The following RCC1L variants were observed in gnomAD, a reference collection of about 807,000 sequenced individuals.
RCC1L encodes the protein RCC1-like G exchanging factor-like protein.
RCC1L carries 46 observed loss-of-function variants against 58.6 expected under a neutral mutation model. The observed-to-expected ratio is 0.79, with a 90% CI of 0.62 to 1.00. The LOEUF (loss-of-function observed/expected upper bound fraction) is 1.00. Among genes scored for constraint, RCC1L ranks in the 50% least tolerant of loss-of-function variants. RCC1L has a pLI of 0.00. For missense variants in RCC1L, 636 were observed against 623.6 expected (o/e 1.02, Z -0.21); for synonymous variants, 281 against 262.9 (o/e 1.07, Z -0.67).
At chr7:75,072,201 G>C (rs1806787025) in intron 1 of RCC1L, among the ~76,000 whole-genome samples, 1 of 70,614 alleles carries the variant, frequency 1.4e-5, no homozygotes, top group Non-Finnish European at 3.1e-5. Flanking sequence ...TGGAGAGAGA[G>C]AGAGACAGAG....
At chr7:75,043,182 AC>A (rs1805617742) in intron 10 of RCC1L, 73 bp from the exon 11 acceptor site, 1 of 1,551,654 alleles carries the variant, frequency 6.4e-7, no homozygotes, top group South Asian at 1.1e-5. Context: ...GTGTTGGCCG[AC>A]CCGGCCCTGC....
chr7:75,061,108 AG>A (rs1806264101), intron 6 of RCC1L, 98 bp downstream of exon 6: 1 of 971,506 alleles, frequency 1.0e-6, no homozygotes, highest in Non-Finnish European at 1.7e-6. Flanking sequence ...AGCTGAATTA[AG>A]GAAGAAGGGT....
chr7:75,053,933 C>T (rs1331768167), intron 9 of RCC1L, among the ~76,000 whole-genome samples: 3 of 152,182 alleles, frequency 2.0e-5, no homozygotes, highest in Non-Finnish European at 2.9e-5. Context: ...GACAGGGTCT[C>T]ACTCTGCTGC....
chr7:75,036,389 G>A lies in RCC1L; in HGVS notation c.1318-8310C>T, dbSNP rs892701414. ...TGCCCGCTTAGCCTCCCAAAGTGCT[G>A]AGATTTACAGGCGTGAGCCACCACA... On this transcript the variant is annotated intron_variant, in intron 10 of 10. Transcript: ENST00000614461. 4.0e-5 allele frequency among the ~76,000 whole-genome samples: 6 copies of A among 151,738 alleles called. 1 individual carries two copies. The highest frequency in any genetic ancestry group is 7.4e-5 in the Non-Finnish European group (5 of 67,906).
intron 10 of RCC1L, among the ~76,000 whole-genome samples, chr7:75,033,873 TA>T (rs1283667488): frequency 6.6e-6 from 1 of 150,838 alleles, no homozygotes; most frequent in Non-Finnish European, 1.5e-5. Context: ...AGCAATAAAT[TA>T]AAAAAAATTA....
Position 75,073,653 on chromosome 7 carries a change from C to A in RCC1L, c.85G>T (p.Ala29Ser). The part of the protein sequence containing the change: ...PGLGRGHWTA[A>S]GRSRSRREAA... The stretch of plus-strand genomic sequence containing the variant: ...TCGCGCCGGCTCCGGGAGCGCCCGG[C>A]CGCCGTCCAGTGCCCTCGCCCCAGC... Residue 29 changes from alanine to serine, a missense_variant, in exon 1 of 11, where the codon GCC becomes TCC. Transcript: ENST00000610322. 6.8e-7 allele frequency: 1 copy of A among 1,473,448 alleles called. No individual in the cohort carries two copies. Among genetic ancestry groups the A allele is most frequent in the South Asian group, 1.3e-5 (1 of 76,510 alleles). 91.3% of individuals were successfully genotyped at this position (1,473,448 alleles called of 1,614,324 possible). A position where few individuals can be genotyped will look rare whatever the true frequency, so the allele number is the denominator to read the frequency against.
At chr7:75,064,464 T>C in intron 4 of RCC1L, 118 bp downstream of exon 4, 1 of 1,104,484 alleles carries the variant, frequency 9.1e-7, no homozygotes, top group Non-Finnish European at 1.4e-6. Context: ...TGCTGAGTTC[T>C]CACGGCCCCC....
intron 1 of RCC1L, 63 bp downstream of exon 1, chr7:75,073,351 G>A: frequency 1.3e-6 from 1 of 761,692 alleles, no homozygotes; most frequent in South Asian, 2.7e-5. Flanking sequence ...AGCCGAACAG[G>A]TCGAGGGAGG....
intron 6 of RCC1L, among the ~76,000 whole-genome samples, chr7:75,060,081 C>A (rs1806224244): frequency 6.6e-6 from 1 of 152,136 alleles, no homozygotes; most frequent in Non-Finnish European, 1.5e-5. Flanking sequence ...TTACTGTCTC[C>A]ATAGTTTGTC....
intron 7 of RCC1L, 65 bp from the exon 8 acceptor site, chr7:75,057,681 G>A (rs1806125532): frequency 6.7e-7 from 1 of 1,488,670 alleles, no homozygotes; most frequent in East Asian, 2.3e-5. Flanking sequence ...AAGTGTTCTG[G>A]TCTTAGGTAC....
chr7:75,060,490 G>A (rs1258301280), intron 6 of RCC1L, among the ~76,000 whole-genome samples: 3 of 152,214 alleles, frequency 2.0e-5, no homozygotes, highest in Non-Finnish European at 4.4e-5. Flanking sequence ...GAGTGCAATG[G>A]CGCGATCTTG....
chr7:75,039,209 C>T (rs1028611268), downstream of RCC1L, among the ~76,000 whole-genome samples: 7 of 152,180 alleles, frequency 4.6e-5, no homozygotes, highest in Admixed American at 2.6e-4. Context: ...ATGCTAGTAC[C>T]GGGTGGAAGG....
At chr7:75,027,817 T>C (rs1805180849) in exon 11 of RCC1L, 4 of 619,484 alleles carry the variant, frequency 6.5e-6, no homozygotes, top group Middle Eastern at 4.3e-4. Flanking sequence ...GTAGTCTTGG[T>C]TTGGTCTCCA....
Position 75,073,534 on chromosome 7 carries a change from G to C in RCC1L, c.204C>G (p.Phe68Leu). 6.7e-7 allele frequency: 1 copy of C among 1,484,066 alleles called. No homozygotes were observed. Among genetic ancestry groups the C allele is most frequent in the Admixed American group, 2.7e-5 (1 of 37,392 alleles). 91.9% of individuals were successfully genotyped at this position (1,484,066 alleles called of 1,614,324 possible). The change falls in exon 1 of 11, where the codon TTC (phenylalanine) becomes TTG (leucine). Residue 68 changes from phenylalanine (F) to leucine (L), a missense_variant. By Grantham distance (22) the Phe-to-Leu change is conservative (BLOSUM62 0). Coordinates refer to ENST00000610322, the MANE Select transcript of RCC1L (RefSeq NM_030798.5). ...ADRVFVWGFS[F>L]SGALGVPSFV... ...AGGAAGGCACGCCCAGCGCCCCCGA[G>C]AAGCTGAAGCCCCACACGAAGACGC...
At chr7:75,070,934 C>T (rs587740767) in intron 1 of RCC1L, among the ~76,000 whole-genome samples, 165 bp from the exon 2 acceptor site, 1 of 152,148 alleles carries the variant, frequency 6.6e-6, no homozygotes, top group South Asian at 2.1e-4. Flanking sequence ...AGTGCAGTGG[C>T]GCAATCTCGG....
In RCC1L at chr7:75,073,564, G is replaced by A. The variant is rs782088960; in HGVS notation, c.174C>T (p.Ala58=). ...VQYVGERAAR[A]DRVFVWGFSF... ...TGAAGCCCCACACGAAGACGCGATC[G>A]GCGCGGGCAGCGCGCTCGCCCACGT... Residue 58 remains alanine (A), a synonymous_variant, in exon 1 of 11, where the codon GCC becomes GCT. Coordinates refer to ENST00000610322, the MANE Select transcript of RCC1L (RefSeq NM_030798.5). 1.3e-6 allele frequency: 2 copies of A among 1,507,398 alleles called. No individual in the cohort carries two copies. The highest frequency in any genetic ancestry group is 2.9e-5 in the African/African-American group (2 of 68,756). The allele number at this position is 1,507,398 out of a possible 1,614,324, so 93.4% of individuals were successfully genotyped here.
At position 75,043,011 on chromosome 7, in the gene RCC1L, GC is replaced by G; in HGVS notation, c.*20del. The G allele has an allele frequency of 1.2e-6, 2 of 1,614,024 alleles. No individual in the cohort carries two copies. Among genetic ancestry groups the G allele is most frequent in the Non-Finnish European group, 1.7e-6 (2 of 1,179,862 alleles). ...TGCCAGTGGTTCCCGGGACGGGGCC[GC>G]CCAAGCAGGTGAGGGAGGTTTAGAT... On this transcript the variant is annotated 3_prime_UTR_variant, in exon 11 of 11. Coordinates refer to ENST00000610322, the MANE Select transcript of RCC1L (RefSeq NM_030798.5).
intron 10 of RCC1L, among the ~76,000 whole-genome samples, chr7:75,032,522 TCTC>T (rs1310311944): frequency 1.3e-5 from 2 of 152,030 alleles, no homozygotes; most frequent in Non-Finnish European, 2.9e-5. Context: ...CCCTTCCCCT[TCTC>T]CTCTCTGAGA....
chr7:75,045,822 CTTTCT>C (rs1470875629), intron 10 of RCC1L, among the ~76,000 whole-genome samples: 1 of 152,162 alleles, frequency 6.6e-6, no homozygotes, highest in Non-Finnish European at 1.5e-5. Context: ...CCTTCTCTTC[CTTTCT>C]TAAGTGCCAA....
Sources: gnomAD v4.1 joint callset for allele counts (sites outside exome capture counted in the v4.1 genomes callset) on GRCh38, gnomAD v4.1.1 for gene constraint, MANE v1.5 for transcripts, NCBI Gene and HGNC (gene_info 2026-07-23, HGNC 2026-07-21) for gene names.